Variants in PCDH15 observed in about 807,000 individuals in gnomAD.
PCDH15 encodes the protein protocadherin-15.
In PCDH15, 129 loss-of-function variants were observed where a neutral mutation model predicts 178.5. That is an observed-to-expected ratio of 0.72 (90% CI 0.63 to 0.84). The LOEUF is 0.84. PCDH15 is among the 40% of genes least tolerant of loss of function. The pLI is 0.00. For synonymous variants in PCDH15, 800 were observed against 732.0 expected, an observed-to-expected ratio of 1.09 and a Z score of -1.50; for missense variants, 2,230 against 2,099.9, an observed-to-expected ratio of 1.06 and a Z score of -1.21.
At chr10:54,257,167 G>T (rs1325240899) in intron 8 of PCDH15, among the ~76,000 whole-genome samples, 5 of 151,948 alleles carry the variant, frequency 3.3e-5, no homozygotes, top group Non-Finnish European at 5.9e-5. Context: ...TTGTCAAGGA[G>T]TTGAAAATAT....
chr10:54,562,528 C>T (rs1196260692), intron 2 of PCDH15, among the ~76,000 whole-genome samples: 1 of 152,136 alleles, frequency 6.6e-6, no homozygotes, highest in Non-Finnish European at 1.5e-5. Context: ...CAGTAGCACA[C>T]CTCATCTCTT....
intron 1 of PCDH15, among the ~76,000 whole-genome samples, chr10:55,286,634 C>T (rs1007646032): frequency 2.0e-5 from 3 of 151,836 alleles, no homozygotes; most frequent in Admixed American, 6.6e-5. Flanking sequence ...CTGCAATTTA[C>T]ACAGATGTAT....
intron 15 of PCDH15, among the ~76,000 whole-genome samples, chr10:54,109,174 T>C (rs1435295304): frequency 2.6e-5 from 4 of 152,130 alleles, no homozygotes; most frequent in Non-Finnish European, 5.9e-5. Flanking sequence ...GCAACAGTAT[T>C]TGAAATTCCT....
chr10:55,447,518 A>C (rs1291513708), intron 2 of PCDH15, among the ~76,000 whole-genome samples: 2 of 152,040 alleles, frequency 1.3e-5, no homozygotes, highest in Non-Finnish European at 2.9e-5. Flanking sequence ...GTCTCCAGAA[A>C]TGCTTCAGGC....
chr10:55,602,667 A>C (rs1350419156), intron 2 of PCDH15, among the ~76,000 whole-genome samples: 3 of 152,204 alleles, frequency 2.0e-5, no homozygotes, highest in Non-Finnish European at 4.4e-5. Context: ...ACAGACCTGC[A>C]GCTGAGGGTC....
intron 9 of PCDH15, among the ~76,000 whole-genome samples, chr10:54,214,751 TG>T (rs2051825686): frequency 6.6e-6 from 1 of 152,058 alleles, no homozygotes; most frequent in African/African-American, 2.4e-5. Flanking sequence ...CCACCATGCC[TG>T]GCTATTTTTT....
chr10:55,018,341 T>C (rs1186709510), intron 2 of PCDH15, among the ~76,000 whole-genome samples: 5 of 152,094 alleles, frequency 3.3e-5, no homozygotes, highest in Admixed American at 3.3e-4. Context: ...GGATATAAAA[T>C]GATGTTGTAT....
chr10:54,113,819 A>AC (rs576020143), intron 15 of PCDH15, among the ~76,000 whole-genome samples: 3 of 152,032 alleles, frequency 2.0e-5, no homozygotes, highest in Non-Finnish European at 4.4e-5. Flanking sequence ...GCTATTAAAG[A>AC]CCCCAAACTG....
chr10:55,059,690 G>A (rs965220636), intron 2 of PCDH15, among the ~76,000 whole-genome samples: 3 of 152,118 alleles, frequency 2.0e-5, no homozygotes, highest in Middle Eastern at 3.4e-3. Context: ...GATATTTTCT[G>A]ACATTACTGA....
At chr10:54,681,235 G>T (rs1271822716) in intron 1 of PCDH15, among the ~76,000 whole-genome samples, 1 of 152,154 alleles carries the variant, frequency 6.6e-6, no homozygotes, top group African/African-American at 2.4e-5. Context: ...GGCTTTGATT[G>T]CTCAAATAAA....
At chr10:54,221,681 C>A (rs2052831412) in intron 9 of PCDH15, among the ~76,000 whole-genome samples, 1 of 151,768 alleles carries the variant, frequency 6.6e-6, no homozygotes, top group Non-Finnish European at 1.5e-5. Context: ...TGGCTCACTC[C>A]AACTTCTGCC....
chr10:54,874,711 A>G (rs565213494), intron 3 of PCDH15, among the ~76,000 whole-genome samples: 1 of 152,330 alleles, frequency 6.6e-6, no homozygotes, highest in Admixed American at 6.5e-5. Flanking sequence ...TGCCAAGTAA[A>G]TTATTTTAGG....
chr10:55,626,225 A>G (rs1241793967), intron 2 of PCDH15, among the ~76,000 whole-genome samples: 1 of 152,178 alleles, frequency 6.6e-6, no homozygotes, highest in East Asian at 1.9e-4. Flanking sequence ...GCAGCAGTTC[A>G]AGTTCCAGAT....
chr10:55,369,010 C>A (rs1242359946), intron 2 of PCDH15, among the ~76,000 whole-genome samples: 2,839 of 85,492 alleles, frequency 0.033, no homozygotes, highest in Admixed American at 0.035. Context: ...TTTTTGGGAC[C>A]AAAAAAAAAA....
At chr10:55,457,049 G>C (rs746481696) in intron 2 of PCDH15, among the ~76,000 whole-genome samples, 21 of 152,080 alleles carry the variant, frequency 1.4e-4, no homozygotes, top group Admixed American at 2.6e-4. Flanking sequence ...CCAAAATCTA[G>C]AATTACATGA....
At chr10:54,631,858 C>G (rs2134701505) in intron 2 of PCDH15, among the ~76,000 whole-genome samples, 1 of 152,160 alleles carries the variant, frequency 6.6e-6, no homozygotes, top group Middle Eastern at 3.4e-3. Flanking sequence ...ATAAAACCAT[C>G]AGGTCTCATG....
intron 21 of PCDH15, among the ~76,000 whole-genome samples, chr10:53,991,983 C>T (rs180695624): frequency 8.3e-4 from 126 of 152,152 alleles, no homozygotes; most frequent in South Asian, 4.2e-3. Context: ...CCTGTGGAAG[C>T]GTTGTTCTTT....
chr10:54,034,121 G>A (rs565307983), intron 18 of PCDH15, among the ~76,000 whole-genome samples: 40 of 151,904 alleles, frequency 2.6e-4, no homozygotes, highest in African/African-American at 9.4e-4. Context: ...TTCAAGTAAA[G>A]GATTAACAGA....
intron 18 of PCDH15, among the ~76,000 whole-genome samples, chr10:54,063,783 C>G (rs369692460): frequency 6.6e-6 from 1 of 152,250 alleles, no homozygotes. Flanking sequence ...TAGCCACGCA[C>G]GCTAGCTGCT....
Sources: gnomAD v4.1 joint callset for allele counts (sites outside exome capture counted in the v4.1 genomes callset) on GRCh38, gnomAD v4.1.1 for gene constraint, MANE v1.5 for transcripts, NCBI Gene and HGNC (gene_info 2026-07-23, HGNC 2026-07-21) for gene names.